ANKRD44: variants seen among roughly 807,000 people sequenced by gnomAD.
ANKRD44 encodes ankyrin repeat domain 44, also known as serine/threonine-protein phosphatase 6 regulatory ankyrin repeat subunit B.
Under a neutral mutation model 116.0 loss-of-function variants are expected in ANKRD44, and 35 were observed. The ratio of observed to expected loss-of-function variants is 0.30; its 90% CI spans 0.23 to 0.40. The LOEUF (loss-of-function observed/expected upper bound fraction) is 0.40, where lower values mean the gene tolerates loss of function less well. Among genes scored for constraint, ANKRD44 ranks in the 10% least tolerant of loss-of-function variants. The pLI is 1.00. For synonymous variants in ANKRD44, 435 were observed against 461.8 expected, an observed-to-expected ratio of 0.94 and a Z score of 0.74; for missense variants, 1,014 against 1,242.6, an observed-to-expected ratio of 0.82 and a Z score of 2.77.
At chr2:197,068,914 A>G (rs10210463) in intron 16 of ANKRD44, among the ~76,000 whole-genome samples, 109,498 of 152,076 alleles carry the variant, frequency 0.72, 40,879 homozygotes, top group East Asian at 0.86. Flanking sequence ...TCTAGAACTA[A>G]AAATACCATT....
chr2:197,103,227 CAAA>C (rs59073157), intron 9 of ANKRD44, among the ~76,000 whole-genome samples: 12 of 103,002 alleles, frequency 1.2e-4, no homozygotes, highest in Admixed American at 9.7e-5. Context: ...GACTCCATCT[CAAA>C]AAAAAAAAAA....
intron 1 of ANKRD44, among the ~76,000 whole-genome samples, chr2:197,289,599 G>A (rs1020269533): frequency 2.6e-5 from 4 of 152,178 alleles, no homozygotes; most frequent in African/African-American, 9.7e-5. Flanking sequence ...TCCTTATGCT[G>A]AGCAAAAGAA....
intron 22 of ANKRD44, among the ~76,000 whole-genome samples, chr2:197,001,089 ACTTT>A (rs1176447134): frequency 6.6e-6 from 1 of 152,238 alleles, no homozygotes; most frequent in Non-Finnish European, 1.5e-5. Context: ...TTTTACTTAT[ACTTT>A]CTTTATTGAT....
At chr2:197,292,273 T>G (rs1394481475) in intron 1 of ANKRD44, among the ~76,000 whole-genome samples, 4 of 152,212 alleles carry the variant, frequency 2.6e-5, no homozygotes, top group Non-Finnish European at 5.9e-5. Context: ...ATGGTTGAAC[T>G]AACTTACACT....
intron 2 of ANKRD44, among the ~76,000 whole-genome samples, chr2:197,153,214 C>A (rs1574561454): frequency 1.1e-5 from 1 of 88,732 alleles, no homozygotes; most frequent in Admixed American, 1.9e-4. Context: ...GGTGACAGAG[C>A]AAGACCCTGC....
intron 10 of ANKRD44, among the ~76,000 whole-genome samples, chr2:197,092,118 A>C (rs2078056190): frequency 6.6e-6 from 1 of 152,194 alleles, no homozygotes; most frequent in South Asian, 2.1e-4. Context: ...CATAATAAAC[A>C]GCATCACCAG....
At chr2:196,976,848 G>A (rs1286034683) in intron 21 of ANKRD44, among the ~76,000 whole-genome samples, 1 of 151,598 alleles carries the variant, frequency 6.6e-6, no homozygotes, top group Non-Finnish European at 1.5e-5. Flanking sequence ...AGCCTGGACA[G>A]CAGAGTGAGA....
intron 4 of ANKRD44, among the ~76,000 whole-genome samples, chr2:197,130,905 G>C (rs1389149100): frequency 2.0e-5 from 3 of 152,182 alleles, no homozygotes; most frequent in Admixed American, 6.5e-5. Flanking sequence ...TGTCTGCACA[G>C]AAGCCAAAAA....
Position 196,986,755 on chromosome 2 carries a change from A to G in ANKRD44, c.*2836T>C. 1.0e-6 allele frequency: 1 copy of G among 983,608 alleles called. No individual in the cohort carries two copies. The highest frequency in any genetic ancestry group is 1.7e-5 in the African/African-American group (1 of 57,326). 60.9% of individuals were successfully genotyped at this position (983,608 alleles called of 1,614,324 possible). On this transcript the variant is annotated 3_prime_UTR_variant, in exon 28 of 28. Transcript: ENST00000282272. ...CAGTTAAGTACTTCATTACGTTATT[A>G]GAGCATTCAGTAGTTGCAAAAGTAT... is the stretch of plus-strand genomic sequence containing the variant.
At chr2:197,245,917 T>C (rs533254662) in intron 1 of ANKRD44, among the ~76,000 whole-genome samples, 10 of 152,294 alleles carry the variant, frequency 6.6e-5, no homozygotes, top group South Asian at 6.2e-4. Context: ...TTTTACCAAA[T>C]TGAGAGTAGA....
chr2:197,195,987 G>A (rs2080939211), intron 1 of ANKRD44, among the ~76,000 whole-genome samples: 1 of 152,102 alleles, frequency 6.6e-6, no homozygotes, highest in Non-Finnish European at 1.5e-5. Flanking sequence ...GCTAATTTGG[G>A]CAAAAAGGAC....
intron 16 of ANKRD44, among the ~76,000 whole-genome samples, chr2:197,058,683 G>A (rs1044110713): frequency 6.6e-6 from 1 of 152,122 alleles, no homozygotes; most frequent in African/African-American, 2.4e-5. Context: ...AAGATAAAAA[G>A]GAAGCAGGTC....
intron 1 of ANKRD44, among the ~76,000 whole-genome samples, chr2:197,245,755 C>A (rs530890249): frequency 6.6e-6 from 1 of 152,146 alleles, no homozygotes; most frequent in Non-Finnish European, 1.5e-5. Context: ...TAAAACCTCT[C>A]GCATTTAGGG....
intron 16 of ANKRD44, among the ~76,000 whole-genome samples, chr2:197,026,948 G>T (rs1054887860): frequency 1.3e-5 from 2 of 151,942 alleles, no homozygotes; most frequent in Non-Finnish European, 2.9e-5. Flanking sequence ...CTAAGCAAAC[G>T]GAAACATGAA....
At chr2:197,038,580 T>A (rs1484257095) in intron 16 of ANKRD44, among the ~76,000 whole-genome samples, 3 of 152,176 alleles carry the variant, frequency 2.0e-5, no homozygotes, top group Admixed American at 2.0e-4. Context: ...TCATCAAAAT[T>A]AAGTTTTTAT....
At chr2:197,049,029 GT>G (rs894668211) in intron 16 of ANKRD44, among the ~76,000 whole-genome samples, 25 of 151,230 alleles carry the variant, frequency 1.7e-4, no homozygotes, top group African/African-American at 5.6e-4. Flanking sequence ...TTTTGATGGG[GT>G]TTTTTTTTCT....
At chr2:197,105,294 A>G (rs2078399738) in intron 9 of ANKRD44, among the ~76,000 whole-genome samples, 1 of 151,992 alleles carries the variant, frequency 6.6e-6, no homozygotes, top group African/African-American at 2.4e-5. Flanking sequence ...TTGTATTTTT[A>G]GTGGAGATGA....
chr2:196,967,486 G>A (rs1202606138), intron 21 of ANKRD44: 1 of 452,466 alleles, frequency 2.2e-6, no homozygotes, highest in African/African-American at 2.0e-5. Flanking sequence ...AAGAAAAAGT[G>A]TGCAATTATG....
At chr2:197,179,522 G>A (rs1205153367) in intron 2 of ANKRD44, among the ~76,000 whole-genome samples, 1 of 152,150 alleles carries the variant, frequency 6.6e-6, no homozygotes. Flanking sequence ...TACTTACAAA[G>A]TACATTTTTA....
Sources: allele counts gnomAD v4.1 joint callset (sites outside exome capture counted in the v4.1 genomes callset), GRCh38; gene constraint gnomAD v4.1.1; transcripts MANE v1.5; gene names NCBI Gene and HGNC (gene_info 2026-07-23, HGNC 2026-07-21).